Variants in ABL1 observed in about 807,000 individuals in gnomAD.
ABL1 encodes tyrosine-protein kinase ABL1.
In ABL1, 11 loss-of-function variants were observed where a neutral mutation model predicts 94.7. That is an observed-to-expected ratio of 0.12 (90% CI 0.07 to 0.19). ABL1 has a LOEUF of 0.19. Ranked by LOEUF, ABL1 falls within the 10% of genes least tolerant of loss-of-function variation. The probability of loss-of-function intolerance (pLI) is 1.00; values close to 1 mark genes in which losing one functional copy is unlikely to be tolerated. For missense variants in ABL1, 1,082 were observed against 1,489.4 expected, an observed-to-expected ratio of 0.73 and a Z score of 4.50; for synonymous variants, 656 against 622.4, an observed-to-expected ratio of 1.05 and a Z score of -0.80.
chr9:130,718,373 A>G (rs1001793105), intron 1 of ABL1, among the ~76,000 whole-genome samples: 1 of 152,060 alleles, frequency 6.6e-6, no homozygotes, highest in Non-Finnish European at 1.5e-5. Context: ...TGTAGCATCA[A>G]AGAACAATAT....
chr9:130,774,555 G>T (rs1262998891), intron 1 of ABL1, among the ~76,000 whole-genome samples: 1 of 152,138 alleles, frequency 6.6e-6, no homozygotes, highest in Non-Finnish European at 1.5e-5. Context: ...CAGGCACGGT[G>T]GCTCATGCCT....
chr9:130,884,964 T>C lies in ABL1; in HGVS notation c.2674T>C (p.Leu892=), dbSNP rs772325610. 4.3e-6 allele frequency: 7 copies of C among 1,611,188 alleles called. No homozygotes were observed. In the Admixed American group the frequency reaches 1.0e-4, roughly 23 times the overall value. ...SESPGRDKGK[L]SRLKPAPPPP... Reference sequence around the variant, plus strand: ...GTCGCCAGGGAGGGACAAGGGGAAATTGTCCAGGCTCAAACCTGCCCCGCC... The same window carrying C: ...GTCGCCAGGGAGGGACAAGGGGAAACTGTCCAGGCTCAAACCTGCCCCGCC... Residue 892 remains leucine, a synonymous_variant, in exon 11 of 11, where the codon TTG becomes CTG. Transcript: ENST00000318560. This position sits in a 1 kb window ranked among gnomAD's most constrained non-coding sequence, Gnocchi z 5.6.
chr9:130,852,033 C>T (rs1177226549), intron 1 of ABL1, among the ~76,000 whole-genome samples: 1 of 152,064 alleles, frequency 6.6e-6, no homozygotes, highest in African/African-American at 2.4e-5. Context: ...CCCACCTCAG[C>T]CTCCCAAAAT....
intron 1 of ABL1, among the ~76,000 whole-genome samples, chr9:130,849,832 A>T (rs949905970): frequency 6.6e-6 from 1 of 151,992 alleles, no homozygotes. Flanking sequence ...TGATAATGTA[A>T]ATTTTTTGTG....
At chr9:130,830,364 A>C (rs543234317), upstream of ABL1, among the ~76,000 whole-genome samples, 1 of 152,314 alleles carries the variant, frequency 6.6e-6, no homozygotes, top group East Asian at 1.9e-4. Flanking sequence ...CCTGTGCATG[A>C]AATCATGGGT....
intron 1 of ABL1, among the ~76,000 whole-genome samples, chr9:130,715,555 A>T (rs973610753): frequency 6.6e-6 from 1 of 152,206 alleles, no homozygotes; most frequent in African/African-American, 2.4e-5. Context: ...TTGAAACATT[A>T]GTTCTATTTT....
upstream of ABL1, chr9:130,835,209 G>C (rs1476633102): frequency 6.4e-6 from 1 of 156,026 alleles, no homozygotes; most frequent in Non-Finnish European, 1.4e-5. The surrounding 1 kb of genome is among the most constrained non-coding windows in gnomAD (Gnocchi z 4.6). Context: ...CGCAGGCGGC[G>C]GCGGGGCGGG....
At chr9:130,763,368 A>C (rs1325333163) in intron 1 of ABL1, among the ~76,000 whole-genome samples, 1 of 152,092 alleles carries the variant, frequency 6.6e-6, no homozygotes, top group Non-Finnish European at 1.5e-5. Flanking sequence ...CTCTTAACAC[A>C]ATGCCTACAA....
At chr9:130,771,765 T>TTC (rs1832256176) in intron 1 of ABL1, among the ~76,000 whole-genome samples, 1 of 146,564 alleles carries the variant, frequency 6.8e-6, no homozygotes, top group Admixed American at 6.8e-5. Flanking sequence ...TTTTTTTTTT[T>TTC]TTTTTTGAGA....
chr9:130,887,303 C>G lies in ABL1; in HGVS notation c.*1620C>G. 1 of 233,304 alleles carries G rather than the reference C, an allele frequency of 4.3e-6. No individual in the cohort carries two copies. Among genetic ancestry groups the G allele is most frequent in the South Asian group, 1.8e-4 (1 of 5,530 alleles). The allele number at this position is 233,304 out of a possible 1,614,324, so 14.5% of individuals were successfully genotyped here. On this transcript the variant is annotated 3_prime_UTR_variant, in exon 11 of 11. Transcript: ENST00000318560. ...ATGCGGTTCTTACAGCACATCACCT[C>G]TTTGCCCCCGACGGCTGTGACGCAG...
intron 1 of ABL1, among the ~76,000 whole-genome samples, chr9:130,756,233 C>T (rs1184865272): frequency 6.6e-6 from 1 of 152,070 alleles, no homozygotes; most frequent in East Asian, 1.9e-4. Context: ...TTCTCCTTGA[C>T]ATTTGACAGA....
At chr9:130,882,610 C>T (rs1414305847) in intron 10 of ABL1, among the ~76,000 whole-genome samples, 1 of 152,142 alleles carries the variant, frequency 6.6e-6, no homozygotes, top group African/African-American at 2.4e-5. Flanking sequence ...TACCAGCTCA[C>T]TGCAACCTCC....
intron 1 of ABL1, among the ~76,000 whole-genome samples, chr9:130,847,754 G>T (rs1397990910): frequency 6.6e-6 from 1 of 152,190 alleles, no homozygotes; most frequent in African/African-American, 2.4e-5. Flanking sequence ...GACTGCCTTG[G>T]ATCGCCTGAC....
At chr9:130,774,732 G>A (rs1022597743) in intron 1 of ABL1, among the ~76,000 whole-genome samples, 2 of 152,080 alleles carry the variant, frequency 1.3e-5, no homozygotes, top group African/African-American at 2.4e-5. Context: ...TATAGTCCCA[G>A]CTACTTGAGG....
Position 130,835,355 on chromosome 9 carries a change from CGGGGGGGCGCG to C in ABL1, c.-91_-81del. The C allele has an allele frequency of 1.5e-6, 1 of 675,372 alleles. No individual in the cohort carries two copies. The highest frequency in any genetic ancestry group is 1.8e-6 in the Non-Finnish European group (1 of 552,484). The allele number at this position is 675,372 out of a possible 1,614,324, so 41.8% of individuals were successfully genotyped here. ...GGGCGGCTGGCGGGGCCGGGGGCGC[CGGGGGGGCGCG>C]CGGGCCGAGCCGGGCCTGAGCCGGG... On this transcript the variant is annotated 5_prime_UTR_variant, in exon 1 of 11. Coordinates refer to ENST00000318560, the MANE Select transcript of ABL1 (RefSeq NM_005157.6). This position sits in a 1 kb window ranked among gnomAD's most constrained non-coding sequence, Gnocchi z 4.6.
intron 1 of ABL1, among the ~76,000 whole-genome samples, chr9:130,729,982 A>C (rs1434297030): frequency 8.9e-5 from 13 of 146,644 alleles, no homozygotes; most frequent in African/African-American, 3.4e-4. Flanking sequence ...ACCTCAAGTG[A>C]TCCACCTGCC....
intron 1 of ABL1, among the ~76,000 whole-genome samples, chr9:130,720,349 G>A (rs1025304995): frequency 2.0e-5 from 3 of 152,148 alleles, no homozygotes; most frequent in Admixed American, 6.6e-5. Flanking sequence ...CTGAGAGGGC[G>A]GCATTTGATT....
At position 130,863,672 on chromosome 9, in the gene ABL1, GT is replaced by G. The variant is rs896113305; in HGVS notation, c.822+644del. On this transcript the variant is annotated intron_variant, in intron 4 of 10. Transcript: ENST00000318560. The surrounding 1 kb of genome is among the most constrained non-coding windows in gnomAD (Gnocchi z 4.3). ...AATAGTGTTTGTAGTTTCCAGGCAG[GT>G]TTTTTTCTTCTTTTGAAGTTCTTTG... Among the ~76,000 whole-genome samples, 3 of 152,162 alleles carry G rather than the reference GT, an allele frequency of 2.0e-5. No individual in the cohort carries two copies. The highest frequency in any genetic ancestry group is 3.9e-4 in the East Asian group (2 of 5,194).
intron 1 of ABL1, among the ~76,000 whole-genome samples, chr9:130,781,281 A>G (rs1224568916): frequency 6.6e-6 from 1 of 152,194 alleles, no homozygotes; most frequent in Non-Finnish European, 1.5e-5. Context: ...GCCTTTTGAA[A>G]CAGGATACAC....
Sources: allele counts gnomAD v4.1 joint callset (sites outside exome capture counted in the v4.1 genomes callset), GRCh38; gene constraint gnomAD v4.1.1; non-coding constraint Gnocchi (gnomAD v3.1); transcripts MANE v1.5; gene names NCBI Gene and HGNC (gene_info 2026-07-23, HGNC 2026-07-21).